RBFOX1: variants seen among roughly 807,000 people sequenced by gnomAD.
The protein encoded by RBFOX1 is RNA binding protein fox-1 homolog 1.
Under a neutral mutation model 57.7 loss-of-function variants are expected in RBFOX1, and 8 were observed. The observed-to-expected ratio is 0.14, with a 90% CI of 0.08 to 0.25. The LOEUF (loss-of-function observed/expected upper bound fraction) is 0.25. RBFOX1 is among the 10% of genes least tolerant of loss of function. RBFOX1 has a pLI of 1.00. For synonymous variants in RBFOX1, 326 were observed against 222.4 expected (o/e 1.47, Z -4.15); for missense variants, 611 against 548.5 (o/e 1.11, Z -1.14).
chr16:6,571,665 A>C (rs2097346490), intron 2 of RBFOX1, among the ~76,000 whole-genome samples: 1 of 152,168 alleles, frequency 6.6e-6, no homozygotes, highest in Non-Finnish European at 1.5e-5. Flanking sequence ...AGCCTGCTGA[A>C]GGCATGCCTC....
chr16:6,549,808 A>T (rs113824313), intron 2 of RBFOX1, among the ~76,000 whole-genome samples: 2,777 of 152,164 alleles, frequency 0.018, 84 homozygotes, highest in African/African-American at 0.062. Context: ...GTGGTTTTCC[A>T]AAGTAAAAGA....
intron 2 of RBFOX1, among the ~76,000 whole-genome samples, chr16:5,587,683 A>G (rs574017708): frequency 6.6e-6 from 1 of 152,184 alleles, no homozygotes; most frequent in Non-Finnish European, 1.5e-5. Context: ...ACTGTACTCC[A>G]GCCTGGGCGA....
intron 2 of RBFOX1, among the ~76,000 whole-genome samples, chr16:6,485,694 T>C (rs1031744182): frequency 6.6e-5 from 10 of 152,230 alleles, no homozygotes; most frequent in Non-Finnish European, 1.5e-4. Flanking sequence ...ACACTTTTAC[T>C]ATGTAAAAAG....
chr16:5,455,027 CTCTCTG>C (rs1409592765), intron 1 of RBFOX1, among the ~76,000 whole-genome samples: 34 of 118,232 alleles, frequency 2.9e-4, no homozygotes, highest in Middle Eastern at 4.1e-3. Flanking sequence ...TTCTTTCTCT[CTCTCTG>C]TCTGTCTCTC....
chr16:7,253,526 C>A (rs1352021837), intron 4 of RBFOX1, among the ~76,000 whole-genome samples: 1 of 152,170 alleles, frequency 6.6e-6, no homozygotes, highest in Middle Eastern at 3.2e-3. Context: ...TTCTAACCAT[C>A]TGCAAAACAT....
At chr16:6,242,332 T>C (rs983071297) in intron 1 of RBFOX1, among the ~76,000 whole-genome samples, 1 of 152,196 alleles carries the variant, frequency 6.6e-6, no homozygotes. Context: ...TATCAGCCTG[T>C]ATAGGTCTAT....
intron 1 of RBFOX1, among the ~76,000 whole-genome samples, chr16:6,290,109 T>C (rs561890772): frequency 2.6e-5 from 4 of 151,738 alleles, no homozygotes; most frequent in African/African-American, 9.7e-5. Context: ...AGGAGGGGTA[T>C]GTAGCTTGGA....
At chr16:7,137,735 T>A (rs770120525) in intron 4 of RBFOX1, among the ~76,000 whole-genome samples, 6 of 152,152 alleles carry the variant, frequency 3.9e-5, no homozygotes, top group Non-Finnish European at 7.3e-5. Context: ...ATAATGGTGG[T>A]AAACTCGAAC....
chr16:7,587,255 T>G lies in RBFOX1; in HGVS notation c.423T>G (p.Gly141=). ...TTTCTATTTCTTTGCAGCAATTTGG[T>G]AAAATCTTAGATGTTGAAATTATTT... ...PDLRQMFGQF[G]KILDVEIIFN... Residue 141 remains glycine (G), a synonymous_variant, in exon 7 of 16, where the codon GGT becomes GGG. Coordinates refer to ENST00000550418, the MANE Select transcript of RBFOX1 (RefSeq NM_018723.4). The G allele has an allele frequency of 6.4e-7, 1 of 1,571,002 alleles. No individual in the cohort carries two copies. Among genetic ancestry groups the G allele is most frequent in the Non-Finnish European group, 8.6e-7 (1 of 1,158,946 alleles).
At chr16:5,818,762 G>A (rs577719598) in intron 3 of RBFOX1, among the ~76,000 whole-genome samples, 38 of 152,304 alleles carry the variant, frequency 2.5e-4, no homozygotes, top group African/African-American at 8.7e-4. Context: ...ACTGCTGCCT[G>A]CAGCTAATGT....
At chr16:7,269,284 C>T (rs577959168) in intron 4 of RBFOX1, among the ~76,000 whole-genome samples, 104 of 152,234 alleles carry the variant, frequency 6.8e-4, no homozygotes, top group African/African-American at 2.4e-3. Flanking sequence ...CCCCTTTTAA[C>T]CCATTTTAAA....
intron 4 of RBFOX1, among the ~76,000 whole-genome samples, chr16:7,497,616 G>C (rs2069115541): frequency 6.6e-6 from 1 of 152,092 alleles, no homozygotes. Context: ...ACCTACTGGG[G>C]ACCAGACACA....
At chr16:5,430,128 G>T (rs1156652558) in intron 1 of RBFOX1, among the ~76,000 whole-genome samples, 1 of 152,180 alleles carries the variant, frequency 6.6e-6, no homozygotes, top group Non-Finnish European at 1.5e-5. Flanking sequence ...CAGCTGGGGG[G>T]ATACAGGGAG....
intron 3 of RBFOX1, among the ~76,000 whole-genome samples, chr16:6,891,580 A>T (rs1468274123): frequency 6.6e-6 from 1 of 152,218 alleles, no homozygotes; most frequent in African/African-American, 2.4e-5. Flanking sequence ...TGCTCCAGGC[A>T]TAGCATTCCT....
chr16:7,210,495 T>C (rs141515074), intron 4 of RBFOX1, among the ~76,000 whole-genome samples: 67 of 152,318 alleles, frequency 4.4e-4, no homozygotes, highest in Non-Finnish European at 8.8e-4. Flanking sequence ...TTAGGTGTTA[T>C]TCATATCTAT....
At chr16:6,666,540 C>CAAAAA (rs35935992) in intron 3 of RBFOX1, among the ~76,000 whole-genome samples, 1 of 81,460 alleles carries the variant, frequency 1.2e-5, no homozygotes. Flanking sequence ...ACTCTGTCTC[C>CAAAAA]AAAAAAAAAA....
chr16:5,455,862 A>G (rs1043922005), intron 1 of RBFOX1, among the ~76,000 whole-genome samples: 6 of 152,194 alleles, frequency 3.9e-5, no homozygotes, highest in African/African-American at 1.4e-4. Flanking sequence ...TTGGTGTTGG[A>G]ACATTAAAAT....
intron 1 of RBFOX1, among the ~76,000 whole-genome samples, chr16:6,071,188 G>A (rs1487504564): frequency 6.6e-6 from 1 of 152,132 alleles, no homozygotes; most frequent in Non-Finnish European, 1.5e-5. Context: ...GGGACGTGTG[G>A]CACATGCCTG....
chr16:6,678,575 TAACAC>T (rs1205204188), intron 3 of RBFOX1, among the ~76,000 whole-genome samples: 5 of 151,584 alleles, frequency 3.3e-5, no homozygotes, highest in African/African-American at 9.7e-5. Flanking sequence ...GGTTTTGTGA[TAACAC>T]AAGTGTTTCT....
Sources: allele counts gnomAD v4.1 joint callset (sites outside exome capture counted in the v4.1 genomes callset), GRCh38; gene constraint gnomAD v4.1.1; transcripts MANE v1.5; gene names NCBI Gene and HGNC (gene_info 2026-07-23, HGNC 2026-07-21).